Variants in CTNNA2 observed in about 807,000 individuals in gnomAD.
CTNNA2 encodes catenin alpha-2.
CTNNA2 carries 42 observed loss-of-function variants against 101.0 expected under a neutral mutation model. That is an observed-to-expected ratio of 0.42 (90% CI 0.32 to 0.54). The LOEUF is 0.54. Ranked by LOEUF, CTNNA2 falls within the 20% of genes least tolerant of loss-of-function variation. CTNNA2 has a pLI of 0.14. For missense variants in CTNNA2, 871 were observed against 1,223.1 expected, an observed-to-expected ratio of 0.71 and a Z score of 4.29; for synonymous variants, 450 against 456.4, an observed-to-expected ratio of 0.99 and a Z score of 0.18.
intron 2 of CTNNA2, among the ~76,000 whole-genome samples, chr2:79,733,536 T>C (rs1052130718): frequency 1.3e-5 from 2 of 151,900 alleles, no homozygotes; most frequent in Non-Finnish European, 2.9e-5. Flanking sequence ...ATTTAAGACT[T>C]AAACCCACTT....
chr2:79,956,843 G>GTTTTTTTTTTCTTTTTTTTTTTTT (rs1302247404), intron 7 of CTNNA2, among the ~76,000 whole-genome samples: 5 of 98,936 alleles, frequency 5.1e-5, no homozygotes, highest in African/African-American at 9.4e-5. Context: ...ATACGTGTGG[G>GTTTTTTTTTTCTTTTTTTTTTTTT]TTTTTTTTTT....
At chr2:80,386,897 G>A (rs553877360) in intron 7 of CTNNA2, among the ~76,000 whole-genome samples, 1 of 152,154 alleles carries the variant, frequency 6.6e-6, no homozygotes, top group Admixed American at 6.5e-5. Flanking sequence ...AAACATGGTT[G>A]ATGTGCAGCC....
intron 7 of CTNNA2, among the ~76,000 whole-genome samples, chr2:80,372,801 C>T (rs1447642218): frequency 1.3e-5 from 2 of 151,864 alleles, no homozygotes; most frequent in Non-Finnish European, 2.9e-5. Context: ...TTTGTTAAGC[C>T]AGTTGTTCCC....
intron 2 of CTNNA2, among the ~76,000 whole-genome samples, chr2:79,735,228 C>T (rs145723472): frequency 1.4e-3 from 209 of 152,194 alleles, no homozygotes; most frequent in African/African-American, 4.9e-3. Context: ...AAACATCGTG[C>T]CCTAATAGAG....
intron 15 of CTNNA2, among the ~76,000 whole-genome samples, chr2:80,600,111 G>C (rs916210470): frequency 1.3e-5 from 2 of 151,804 alleles, no homozygotes; most frequent in Non-Finnish European, 2.9e-5. Flanking sequence ...AATTGTTCGG[G>C]AAAGGATTAA....
intron 9 of CTNNA2, among the ~76,000 whole-genome samples, chr2:80,465,939 T>G (rs1413562581): frequency 6.6e-6 from 1 of 152,202 alleles, no homozygotes; most frequent in African/African-American, 2.4e-5. Flanking sequence ...GAAATAATAG[T>G]GTGTCTCACA....
chr2:79,708,973 G>T (rs1685568242), intron 2 of CTNNA2, among the ~76,000 whole-genome samples: 1 of 152,152 alleles, frequency 6.6e-6, no homozygotes, highest in Non-Finnish European at 1.5e-5. Context: ...TTTGAGGAGA[G>T]TCCTTGATAC....
At chr2:80,222,552 C>T (rs1197765968) in intron 7 of CTNNA2, among the ~76,000 whole-genome samples, 1 of 152,096 alleles carries the variant, frequency 6.6e-6, no homozygotes, top group African/African-American at 2.4e-5. Context: ...ATGGCAAAGA[C>T]AGAACTAGAA....
intron 7 of CTNNA2, among the ~76,000 whole-genome samples, chr2:80,249,258 C>G (rs1671571503): frequency 6.6e-6 from 1 of 152,174 alleles, no homozygotes; most frequent in South Asian, 2.1e-4. Context: ...TCTAAAGAAC[C>G]TGCAGGAGCA....
chr2:79,420,016 C>A lies in CTNNA2; in HGVS notation c.-135+46003C>A, dbSNP rs72820617. ...TCTTTCTTCACACTCTTGGATGCTC[C>A]CCAGCCTAGTTATGAAATGGCCCTC... On this transcript the variant is annotated intron_variant, in intron 4 of 21. Transcript: ENST00000466387. Among the ~76,000 whole-genome samples the A allele has an allele frequency of 5.6e-3, 855 of 152,140 alleles. 1 individual carries two copies. The highest frequency in any genetic ancestry group is 8.4e-3 in the Non-Finnish European group (571 of 68,004).
chr2:79,457,857 A>G (rs1670842476), intron 4 of CTNNA2, among the ~76,000 whole-genome samples: 1 of 152,174 alleles, frequency 6.6e-6, no homozygotes, highest in Non-Finnish European at 1.5e-5. Context: ...TTTACTCTCA[A>G]CTAGCATTTC....
At position 79,749,521 on chromosome 2, in the gene CTNNA2, A is replaced by G. The variant is rs147863005; in HGVS notation, c.298+4939A>G. Among the ~76,000 whole-genome samples, 8 of 152,226 alleles carry G rather than the reference A, an allele frequency of 5.3e-5. No individual in the cohort carries two copies. In the East Asian group the frequency reaches 1.6e-3, roughly 30 times the overall value. ...TGTGATATATGCATATTATCTTCCTAATGTAAGTTTAAACCGTATCAGAAT... is the reference window on the plus strand; with the variant it reads ...TGTGATATATGCATATTATCTTCCTGATGTAAGTTTAAACCGTATCAGAAT... On this transcript the variant is annotated intron_variant, in intron 3 of 18. Transcript: ENST00000402739.
intron 6 of CTNNA2, among the ~76,000 whole-genome samples, chr2:79,900,610 G>T (rs1685009363): frequency 6.6e-6 from 1 of 152,134 alleles, no homozygotes; most frequent in Non-Finnish European, 1.5e-5. Flanking sequence ...TCTTCGTTAT[G>T]TGGAAAGAAA....
At position 80,573,667 on chromosome 2, in the gene CTNNA2, C is replaced by T. The variant is rs371270518; in HGVS notation, c.1742-496C>T. 6.6e-5 allele frequency among the ~76,000 whole-genome samples: 10 copies of T among 152,178 alleles called. No individual in the cohort carries two copies. In the East Asian group the frequency reaches 1.7e-3, roughly 26 times the overall value. Reference sequence around the variant, plus strand: ...ACTCACCAGCTATGACTGTAACATCCGATATTAGTTAAATATTTATTGATA... The same window carrying T: ...ACTCACCAGCTATGACTGTAACATCTGATATTAGTTAAATATTTATTGATA... On this transcript the variant is annotated intron_variant, in intron 12 of 18. Transcript: ENST00000402739.
chr2:80,641,547 C>T (rs1468578088), intron 18 of CTNNA2, among the ~76,000 whole-genome samples: 2 of 152,038 alleles, frequency 1.3e-5, no homozygotes, highest in Non-Finnish European at 2.9e-5. Context: ...TGCAATGTGT[C>T]CCCTACTTGT....
chr2:79,367,886 A>C (rs1447282875), intron 3 of CTNNA2, among the ~76,000 whole-genome samples: 1 of 152,172 alleles, frequency 6.6e-6, no homozygotes, highest in Non-Finnish European at 1.5e-5. Context: ...TCTGCAGTCT[A>C]TAGATAAGGA....
intron 2 of CTNNA2, among the ~76,000 whole-genome samples, chr2:79,221,145 G>GT (rs1315031527): frequency 2.0e-5 from 1 of 49,966 alleles, no homozygotes; most frequent in African/African-American, 4.8e-5. Context: ...TCTCAAATTT[G>GT]TTTTGTTTTT....
chr2:79,993,344 C>T (rs1356819903), intron 7 of CTNNA2, among the ~76,000 whole-genome samples: 1 of 152,156 alleles, frequency 6.6e-6, no homozygotes, highest in African/African-American at 2.4e-5. Flanking sequence ...TTCTCTCTCC[C>T]TCTCCATTTT....
rs34403615 is a variant in CTNNA2 at position 79,536,574 on chromosome 2, A to AGTATGTGTGTGTGTGTGTGTGTGT, written c.-6+23369_-6+23370insATGTGTGTGTGTGTGTGTGTGTGT. 6.6e-3 allele frequency among the ~76,000 whole-genome samples: 973 copies of AGTATGTGTGTGTGTGTGTGTGTGT among 146,742 alleles called. 12 individuals carry two copies. Among genetic ancestry groups the AGTATGTGTGTGTGTGTGTGTGTGT allele is most frequent in the East Asian group, 0.031 (152 of 4,940 alleles). ...ATATACACCTAAATATCTCTAAAGA[A>AGTATGTGTGTGTGTGTGTGTGTGT]GTGTGTGTGTGTGTGTGTGTGTGTG... On this transcript the variant is annotated intron_variant, in intron 1 of 18. Coordinates refer to ENST00000402739, the MANE Select transcript of CTNNA2 (RefSeq NM_001282597.3).
Sources: allele counts gnomAD v4.1 joint callset (sites outside exome capture counted in the v4.1 genomes callset), GRCh38; gene constraint gnomAD v4.1.1; transcripts MANE v1.5; gene names NCBI Gene and HGNC (gene_info 2026-07-23, HGNC 2026-07-21).